The following KIF13A variants were observed in gnomAD, a reference collection of about 807,000 sequenced individuals.
KIF13A encodes kinesin-like protein KIF13A.
KIF13A carries 79 observed loss-of-function variants against 212.2 expected under a neutral mutation model. That is an observed-to-expected ratio of 0.37 (90% CI 0.31 to 0.45). KIF13A has a LOEUF of 0.45. KIF13A is among the 20% of genes least tolerant of loss of function. The pLI is 1.00. For synonymous variants in KIF13A, 789 were observed against 808.6 expected, an observed-to-expected ratio of 0.98 and a Z score of 0.41; for missense variants, 1,901 against 2,209.0, an observed-to-expected ratio of 0.86 and a Z score of 2.79.
At chr6:17,904,878 A>G (rs73723277) in intron 2 of KIF13A, among the ~76,000 whole-genome samples, 3,948 of 152,354 alleles carry the variant, frequency 0.026, 188 homozygotes, top group African/African-American at 0.089. Context: ...AAATGGCTGC[A>G]ACCTAGATCT....
At chr6:17,981,647 C>A (rs1781101848) in intron 2 of KIF13A, among the ~76,000 whole-genome samples, 1 of 152,050 alleles carries the variant, frequency 6.6e-6, no homozygotes, top group South Asian at 2.1e-4. Context: ...TGATATCGAT[C>A]TCCTGACCTC....
intron 4 of KIF13A, among the ~76,000 whole-genome samples, chr6:17,867,155 C>G (rs1769484918): frequency 6.6e-6 from 1 of 152,018 alleles, no homozygotes; most frequent in Non-Finnish European, 1.5e-5. Flanking sequence ...TTGTACTTCT[C>G]TGTAATTACA....
intron 2 of KIF13A, chr6:17,936,450 ATC>A (rs996303469): frequency 1.3e-5 from 2 of 157,582 alleles, no homozygotes; most frequent in African/African-American, 4.8e-5. Flanking sequence ...TTTTAATAAG[ATC>A]TCTCTTTCTG....
rs1014506797 is a variant in KIF13A at position 17,838,278 on chromosome 6, G to A, written c.831-695C>T. 1.3e-4 allele frequency among the ~76,000 whole-genome samples: 20 copies of A among 150,962 alleles called. No homozygotes were observed. The highest frequency in any genetic ancestry group is 4.9e-4 in the African/African-American group (20 of 41,088). On this transcript the variant is annotated intron_variant, in intron 9 of 38. Coordinates refer to ENST00000259711, the MANE Select transcript of KIF13A (RefSeq NM_022113.6). This position sits in a 1 kb window ranked among gnomAD's most constrained non-coding sequence, Gnocchi z 4.2. ...GGAGGCTGCAGTGAGCCAAGATCGCGCCACTGTACTCCAGCCTGGGCGACA... is the reference window on the plus strand; with the variant it reads ...GGAGGCTGCAGTGAGCCAAGATCGCACCACTGTACTCCAGCCTGGGCGACA...
chr6:17,771,958 C>T lies in KIF13A; in HGVS notation c.4426G>A (p.Glu1476Lys). 2.5e-6 allele frequency: 4 copies of T among 1,614,006 alleles called. No homozygotes were observed. Among genetic ancestry groups the T allele is most frequent in the Non-Finnish European group, 3.4e-6 (4 of 1,179,882 alleles). ...FFKPLMPVKE[E>K]HKKRIALEAR... ...TCCAGGGCTATCCTTTTCTTATGCT[C>T]CTCTTTTACAGGCATTAGGGGCTTG... is the stretch of plus-strand genomic sequence containing the variant. The change falls in exon 37 of 39, where the codon GAG (glutamate) becomes AAG (lysine). Residue 1476 changes from glutamate (E) to lysine (K), a missense_variant. This residue lies in a region of KIF13A where 687 missense variants were observed against 759.1 expected (regional missense o/e 0.90). Coordinates refer to ENST00000259711, the MANE Select transcript of KIF13A (RefSeq NM_022113.6). The surrounding 1 kb of genome is among the most constrained non-coding windows in gnomAD (Gnocchi z 5.4).
rs2150565744 is a variant in KIF13A, at chr6:17,947,944, A to T, written c.146+39110T>A. ...AAAAATAAATTATATTTTTTCCACA[A>T]ATATTTGATAAGGCAAATGCAGCAA... On this transcript the variant is annotated intron_variant, in intron 2 of 38. Transcript: ENST00000259711. This position sits in a 1 kb window ranked among gnomAD's most constrained non-coding sequence, Gnocchi z 4.6. 6.6e-6 allele frequency among the ~76,000 whole-genome samples: 1 copy of T among 152,330 alleles called. No homozygotes were observed.
chr6:17,935,654 C>T (rs914521678), intron 2 of KIF13A, among the ~76,000 whole-genome samples: 2 of 152,134 alleles, frequency 1.3e-5, no homozygotes, highest in Non-Finnish European at 2.9e-5. Context: ...GCTCTCTCTC[C>T]GTAACTGAAA....
At chr6:17,869,009 A>AC in intron 4 of KIF13A, among the ~76,000 whole-genome samples, 2 of 148,798 alleles carry the variant, frequency 1.3e-5, no homozygotes, top group African/African-American at 5.0e-5. Flanking sequence ...AAAAAAAAAA[A>AC]AAAAAAAAAA....
chr6:17,863,175 AG>A (rs1768996189), intron 4 of KIF13A, among the ~76,000 whole-genome samples: 2 of 152,130 alleles, frequency 1.3e-5, no homozygotes, highest in Non-Finnish European at 2.9e-5. Flanking sequence ...CTATTTTTCT[AG>A]CTCCCACAGA....
chr6:17,807,667 T>A (rs1763082660), intron 18 of KIF13A, among the ~76,000 whole-genome samples: 1 of 152,164 alleles, frequency 6.6e-6, no homozygotes, highest in African/African-American at 2.4e-5. Flanking sequence ...CTGCTTTTTG[T>A]CCTTTGAAGC....
intron 3 of KIF13A, among the ~76,000 whole-genome samples, chr6:17,878,234 A>G (rs1169270840): frequency 6.6e-6 from 1 of 152,202 alleles, no homozygotes; most frequent in African/African-American, 2.4e-5. Context: ...AGCCTGTGGA[A>G]AAGCATGACA....
chr6:17,956,455 G>T (rs1480115842), intron 2 of KIF13A, among the ~76,000 whole-genome samples: 4 of 152,198 alleles, frequency 2.6e-5, no homozygotes, highest in Admixed American at 6.5e-5. Context: ...GCCTAGCACT[G>T]CAAAAGCAAC....
chr6:17,859,636 ATATT>A (rs376693941), intron 4 of KIF13A, among the ~76,000 whole-genome samples: 4,821 of 110,810 alleles, frequency 0.044, 208 homozygotes, highest in African/African-American at 0.13. Context: ...ATATATATAT[ATATT>A]TTTTTTTTTT....
chr6:17,944,822 A>G (rs1327121330), intron 2 of KIF13A, among the ~76,000 whole-genome samples: 1 of 152,186 alleles, frequency 6.6e-6, no homozygotes, highest in Non-Finnish European at 1.5e-5. Flanking sequence ...GGGAAAAAAA[A>G]CTATCATTAG....
At chr6:17,827,201 C>T (rs1430990988) in intron 14 of KIF13A, among the ~76,000 whole-genome samples, 1 of 152,102 alleles carries the variant, frequency 6.6e-6, no homozygotes, top group Non-Finnish European at 1.5e-5. Flanking sequence ...CTCAAGTGAT[C>T]CTCCCACCTC....
At chr6:17,841,692 C>A (rs749847317) in intron 9 of KIF13A, among the ~76,000 whole-genome samples, 4 of 152,060 alleles carry the variant, frequency 2.6e-5, no homozygotes, top group Admixed American at 1.3e-4. Context: ...TCCACACATT[C>A]AAAACAAGAA....
At position 17,849,067 on chromosome 6, in the gene KIF13A, G is replaced by A. The variant is rs935410441; in HGVS notation, c.830+310C>T. Among the ~76,000 whole-genome samples the A allele has an allele frequency of 1.1e-4, 17 of 152,076 alleles. No homozygotes were observed. On this transcript the variant is annotated intron_variant, in intron 9 of 38. Coordinates refer to ENST00000259711, the MANE Select transcript of KIF13A (RefSeq NM_022113.6). This position sits in a 1 kb window ranked among gnomAD's most constrained non-coding sequence, Gnocchi z 5.7. The stretch of plus-strand genomic sequence containing the variant: ...CAAGTAGCTGGGGTTACCGGTGTGC[G>A]TGACCGTGCCTTTTTAGTAGAGATG...
downstream of KIF13A, chr6:17,759,347 A>C (rs1375836880): frequency 6.6e-6 from 1 of 152,194 alleles, no homozygotes; most frequent in Non-Finnish European, 1.5e-5. Flanking sequence ...AGGGGATATA[A>C]ATTACAGTTT....
At chr6:17,889,676 G>A (rs1219238699) in intron 3 of KIF13A, among the ~76,000 whole-genome samples, 2 of 152,144 alleles carry the variant, frequency 1.3e-5, no homozygotes, top group Admixed American at 6.5e-5. Context: ...TGTATCCTTG[G>A]AGACTGGTTC....
Sources: allele counts gnomAD v4.1 joint callset (sites outside exome capture counted in the v4.1 genomes callset), GRCh38; gene constraint gnomAD v4.1.1; regional missense constraint gnomAD v4.1.1; non-coding constraint Gnocchi (gnomAD v3.1); transcripts MANE v1.5; gene names NCBI Gene and HGNC (gene_info 2026-07-23, HGNC 2026-07-21).